The following ANK1 variants were observed in gnomAD, a reference collection of about 807,000 sequenced individuals.
ANK1 encodes the protein ankyrin 1, also known as ankyrin-1.
In ANK1, 51 loss-of-function variants were observed where a neutral mutation model predicts 210.4. That is an observed-to-expected ratio of 0.24 (90% CI 0.19 to 0.31). ANK1 has a LOEUF of 0.31. Among genes scored for constraint, ANK1 ranks in the 10% least tolerant of loss-of-function variants. The pLI, the probability that ANK1 is intolerant of heterozygous loss-of-function variation, is 1.00. For synonymous variants in ANK1, 967 were observed against 1,025.9 expected (o/e 0.94, Z 1.10); for missense variants, 2,051 against 2,504.4 (o/e 0.82, Z 3.86).
chr8:41,860,397 C>A (rs1587473723), intron 1 of ANK1, among the ~76,000 whole-genome samples: 1 of 152,158 alleles, frequency 6.6e-6, no homozygotes, highest in East Asian at 1.9e-4. Flanking sequence ...GCCCACAATG[C>A]GGAGCAGTCA....
chr8:41,805,629 T>C (rs1300417163), intron 1 of ANK1, among the ~76,000 whole-genome samples: 1 of 152,210 alleles, frequency 6.6e-6, no homozygotes, highest in Non-Finnish European at 1.5e-5. Flanking sequence ...TCTAAAACTA[T>C]GTATATATTA....
At chr8:41,717,148 G>T in intron 12 of ANK1, 97 bp from the exon 13 acceptor site, 2 of 1,358,528 alleles carry the variant, frequency 1.5e-6, no homozygotes, top group South Asian at 1.2e-5. Context: ...GGCTTGGTGG[G>T]TTTTTGTCCA....
chr8:41,714,153 T>A lies in ANK1; in HGVS notation c.1800+3A>T, dbSNP rs559020131. 7.4e-6 allele frequency: 10 copies of A among 1,360,302 alleles called. No homozygotes were observed. In the African/African-American group the frequency reaches 1.3e-4, roughly 18 times the overall value. The allele number at this position is 1,360,302 out of a possible 1,614,324, so 84.3% of individuals were successfully genotyped here. ...GGCAGCTGGGGAGAGGGGCGGGCCT[T>A]ACCCAGGCAGGGCTGTGCGGGGAGC... On this transcript the variant is annotated splice_donor_region_variant and intron_variant, in intron 16 of 42. Coordinates refer to ENST00000289734, the MANE Select transcript of ANK1 (RefSeq NM_000037.4).
intron 2 of ANK1, among the ~76,000 whole-genome samples, chr8:41,748,477 T>C (rs558668308): frequency 6.6e-6 from 1 of 152,320 alleles, no homozygotes; most frequent in African/African-American, 2.4e-5. Context: ...TCACCCTCTT[T>C]CATTTCATGT....
chr8:41,766,939 C>A (rs1266741213), intron 1 of ANK1, among the ~76,000 whole-genome samples: 1 of 152,182 alleles, frequency 6.6e-6, no homozygotes, highest in African/African-American at 2.4e-5. Flanking sequence ...CATCTCCCAC[C>A]CCCTGCTGAA....
chr8:41,656,779 G>A (rs1281096331), intron 42 of ANK1, among the ~76,000 whole-genome samples: 1 of 152,176 alleles, frequency 6.6e-6, no homozygotes, highest in Non-Finnish European at 1.5e-5. Flanking sequence ...GAAGGGGTTG[G>A]GGAGGAGTGT....
intron 16 of ANK1, among the ~76,000 whole-genome samples, chr8:41,710,014 G>A (rs1341945004): frequency 1.3e-5 from 2 of 152,224 alleles, no homozygotes; most frequent in Non-Finnish European, 1.5e-5. Flanking sequence ...TGCACAATGA[G>A]ATGAAGAAGC....
intron 12 of ANK1, 33 bp downstream of exon 12, chr8:41,717,571 G>C: frequency 6.5e-7 from 1 of 1,533,820 alleles, no homozygotes; most frequent in Non-Finnish European, 8.8e-7. Flanking sequence ...TCTTGGTCTA[G>C]GGGAGCAAGC....
intron 1 of ANK1, among the ~76,000 whole-genome samples, chr8:41,789,852 G>T (rs1847260685): frequency 6.6e-6 from 1 of 152,214 alleles, no homozygotes; most frequent in Non-Finnish European, 1.5e-5. Context: ...TAAAGAAAGT[G>T]CTGTGCTTCT....
chr8:41,861,432 C>A (rs1011995966), intron 1 of ANK1, among the ~76,000 whole-genome samples: 1 of 152,218 alleles, frequency 6.6e-6, no homozygotes, highest in Admixed American at 6.5e-5. Context: ...AAAGGGCCTG[C>A]GTGAAATTAA....
At chr8:41,879,804 T>C (rs1353719192) in intron 1 of ANK1, among the ~76,000 whole-genome samples, 3 of 152,234 alleles carry the variant, frequency 2.0e-5, no homozygotes, top group Non-Finnish European at 4.4e-5. Flanking sequence ...ACCAGTCCTA[T>C]GGCCTCAGTT....
intron 2 of ANK1, among the ~76,000 whole-genome samples, chr8:41,755,434 C>G (rs566764617): frequency 1.3e-5 from 2 of 152,346 alleles, no homozygotes; most frequent in East Asian, 3.9e-4. Flanking sequence ...GAATCTTAAC[C>G]CTTGGAAGGC....
At chr8:41,663,326 T>C (rs1563337253) in intron 40 of ANK1, among the ~76,000 whole-genome samples, 1 of 152,072 alleles carries the variant, frequency 6.6e-6, no homozygotes, top group Non-Finnish European at 1.5e-5. Context: ...AGGCCAGGGA[T>C]GCTCAAACTG....
chr8:41,807,372 T>A (rs1332672747), intron 1 of ANK1, among the ~76,000 whole-genome samples: 8 of 152,236 alleles, frequency 5.3e-5, no homozygotes. Context: ...GATAAGACTC[T>A]AACGTGGCTT....
chr8:41,679,063 G>A (rs1815098728), intron 37 of ANK1, among the ~76,000 whole-genome samples: 1 of 152,224 alleles, frequency 6.6e-6, no homozygotes, highest in Non-Finnish European at 1.5e-5. Flanking sequence ...TGGGATTACA[G>A]GCATGAGCCA....
chr8:41,878,199 G>T (rs1043052745), intron 1 of ANK1, among the ~76,000 whole-genome samples: 2 of 152,182 alleles, frequency 1.3e-5, no homozygotes, highest in Admixed American at 6.5e-5. Flanking sequence ...CACCAATTCT[G>T]GAGAGTTGGG....
At chr8:41,853,111 A>AT (rs1811565081) in intron 1 of ANK1, among the ~76,000 whole-genome samples, 1 of 152,226 alleles carries the variant, frequency 6.6e-6, no homozygotes, top group Non-Finnish European at 1.5e-5. Context: ...CAGCTATGAG[A>AT]TTCCCCCAGT....
intron 1 of ANK1, among the ~76,000 whole-genome samples, chr8:41,788,615 T>C (rs1229151467): frequency 6.6e-6 from 1 of 152,222 alleles, no homozygotes; most frequent in African/African-American, 2.4e-5. Context: ...TATGCTGCGA[T>C]ATTTAATCAC....
intron 1 of ANK1, among the ~76,000 whole-genome samples, chr8:41,861,125 G>A (rs746878064): frequency 4.6e-5 from 7 of 152,214 alleles, no homozygotes; most frequent in African/African-American, 1.2e-4. Flanking sequence ...ATGCGTGCTT[G>A]GAAAAGACAG....
Sources: allele counts gnomAD v4.1 joint callset (sites outside exome capture counted in the v4.1 genomes callset), GRCh38; gene constraint gnomAD v4.1.1; transcripts MANE v1.5; gene names NCBI Gene and HGNC (gene_info 2026-07-23, HGNC 2026-07-21).